The following ASIC2 variants were observed in gnomAD, a reference collection of about 807,000 sequenced individuals.
The protein encoded by ASIC2 is acid-sensing ion channel 2.
In ASIC2, 25 loss-of-function variants were observed where a neutral mutation model predicts 57.3. That is an observed-to-expected ratio of 0.44 (90% CI 0.32 to 0.61). ASIC2 has a LOEUF of 0.61. Among genes scored for constraint, ASIC2 ranks in the 20% least tolerant of loss-of-function variants. ASIC2 has a pLI of 0.06. For missense variants in ASIC2, 641 were observed against 738.1 expected, an observed-to-expected ratio of 0.87 and a Z score of 1.52; for synonymous variants, 319 against 307.5, an observed-to-expected ratio of 1.04 and a Z score of -0.39.
intron 1 of ASIC2, among the ~76,000 whole-genome samples, chr17:34,086,577 C>A (rs907515516): frequency 6.6e-6 from 1 of 152,124 alleles, no homozygotes; most frequent in African/African-American, 2.4e-5. Flanking sequence ...GAGCTGAGTT[C>A]AATTCCTGGG....
chr17:34,082,539 T>A (rs754829998), intron 1 of ASIC2, among the ~76,000 whole-genome samples: 3 of 152,210 alleles, frequency 2.0e-5, no homozygotes, highest in Non-Finnish European at 4.4e-5. Flanking sequence ...CCTTTTGCCT[T>A]GGACTGATAA....
chr17:33,017,413 C>G (rs536259399), intron 8 of ASIC2, among the ~76,000 whole-genome samples, 192 bp downstream of exon 8: 24 of 152,272 alleles, frequency 1.6e-4, no homozygotes, highest in African/African-American at 5.3e-4. Context: ...ACATCCACCG[C>G]CCCCCAAAAA....
intron 1 of ASIC2, among the ~76,000 whole-genome samples, chr17:34,045,894 AATTGCTTTGCTCAATGGAAT>A (rs1908318723): frequency 6.6e-6 from 1 of 152,160 alleles, no homozygotes. Context: ...CTGCCTTGCA[AATTGCTTTGCTCAATGGAAT>A]ATGGAGGTAG....
At chr17:33,319,017 C>A (rs997008006) in intron 1 of ASIC2, among the ~76,000 whole-genome samples, 1 of 152,200 alleles carries the variant, frequency 6.6e-6, no homozygotes, top group African/African-American at 2.4e-5. Flanking sequence ...GTAATCCCAG[C>A]ACTTTCGGAA....
At position 33,465,372 on chromosome 17, in the gene ASIC2, C is replaced by CTT. The variant is rs67424466; in HGVS notation, c.556-353307_556-353306dup. Among the ~76,000 whole-genome samples the CTT allele has an allele frequency of 8.5e-3, 748 of 88,260 alleles. 7 individuals are homozygous for CTT. The highest frequency in any genetic ancestry group is 0.032 in the African/African-American group (721 of 22,782). The allele number at this position is 88,260 out of a possible 152,430, so 57.9% of individuals were successfully genotyped here. A position where few individuals can be genotyped will look rare whatever the true frequency, so the allele number is the denominator to read the frequency against. ...GAGTGTGGGCCTTTTTTTTCTTTTTCTTTTTTTTTTTTTTTTTTGAGATGG... is the reference window on the plus strand; with the variant it reads ...GAGTGTGGGCCTTTTTTTTCTTTTTCTTTTTTTTTTTTTTTTTTTTGAGATGG... On this transcript the variant is annotated intron_variant, in intron 1 of 9. Coordinates refer to the ASIC2 transcript ENST00000359872.
intron 1 of ASIC2, among the ~76,000 whole-genome samples, chr17:33,365,149 C>G (rs1246938805): frequency 6.6e-6 from 1 of 152,174 alleles, no homozygotes; most frequent in Non-Finnish European, 1.5e-5. Flanking sequence ...TTCATACATA[C>G]AGAACCCTCT....
At chr17:33,627,842 A>G (rs1175521260) in intron 1 of ASIC2, among the ~76,000 whole-genome samples, 1 of 152,144 alleles carries the variant, frequency 6.6e-6, no homozygotes, top group African/African-American at 2.4e-5. Flanking sequence ...CTGCATACCC[A>G]GTATCCAGTG....
chr17:33,313,425 G>A (rs552787083), intron 1 of ASIC2, among the ~76,000 whole-genome samples: 2 of 152,168 alleles, frequency 1.3e-5, no homozygotes, highest in East Asian at 3.9e-4. Flanking sequence ...TAACCACAGT[G>A]TTTAAGAGTT....
chr17:33,710,270 T>A (rs1239172252), intron 1 of ASIC2, among the ~76,000 whole-genome samples: 1 of 152,216 alleles, frequency 6.6e-6, no homozygotes, highest in Non-Finnish European at 1.5e-5. Flanking sequence ...TATCCATTCA[T>A]CCATCTAGTC....
chr17:34,128,711 G>A (rs1001801759), intron 1 of ASIC2, among the ~76,000 whole-genome samples: 7 of 152,116 alleles, frequency 4.6e-5, no homozygotes, highest in Admixed American at 1.3e-4. Context: ...TCTTGATGCC[G>A]TGTTACTACA....
intron 1 of ASIC2, among the ~76,000 whole-genome samples, chr17:33,832,195 A>C (rs939940717): frequency 1.3e-5 from 2 of 152,236 alleles, no homozygotes; most frequent in Non-Finnish European, 2.9e-5. Flanking sequence ...ATGTAGAAAT[A>C]ACGTAGTTAA....
intron 1 of ASIC2, among the ~76,000 whole-genome samples, chr17:33,606,868 T>C (rs1182808191): frequency 6.6e-6 from 1 of 152,162 alleles, no homozygotes; most frequent in African/African-American, 2.4e-5. Flanking sequence ...TCCTTGCTTC[T>C]TTCACACTTC....
At chr17:33,513,597 G>T (rs1034350474) in intron 1 of ASIC2, among the ~76,000 whole-genome samples, 4 of 152,238 alleles carry the variant, frequency 2.6e-5, no homozygotes, top group Admixed American at 6.5e-5. Flanking sequence ...CTTCTGTCTG[G>T]TGCCAGCTAG....
At chr17:33,872,940 G>A (rs961785492) in intron 1 of ASIC2, among the ~76,000 whole-genome samples, 2 of 152,124 alleles carry the variant, frequency 1.3e-5, no homozygotes, top group African/African-American at 4.8e-5. Context: ...TGGGAACTAG[G>A]CAAGGGGAAA....
At chr17:33,272,713 T>A (rs1361400294) in intron 1 of ASIC2, among the ~76,000 whole-genome samples, 1 of 152,232 alleles carries the variant, frequency 6.6e-6, no homozygotes, top group Non-Finnish European at 1.5e-5. Context: ...ACCATCATCA[T>A]CATTGTCAGT....
chr17:33,772,968 C>T (rs548308325), intron 1 of ASIC2, among the ~76,000 whole-genome samples: 2 of 152,178 alleles, frequency 1.3e-5, no homozygotes, highest in African/African-American at 2.4e-5. Context: ...TAGCGTGGTA[C>T]CTGGCACACA....
chr17:33,878,125 G>C (rs1343667084), intron 1 of ASIC2, among the ~76,000 whole-genome samples: 3 of 152,154 alleles, frequency 2.0e-5, no homozygotes, highest in African/African-American at 4.8e-5. Context: ...CATCATCAAA[G>C]ACCAAAGGTA....
rs1287504950 is a variant in ASIC2, at chr17:33,464,298, T to C, written c.556-352231A>G. On this transcript the variant is annotated intron_variant, in intron 1 of 9. Coordinates refer to the ASIC2 transcript ENST00000359872. ...CTCACTAGTCCCAGGCTCCCTTGGT[T>C]GGAGGGAGTGTGCAGGGATTTGGAT... is the stretch of plus-strand genomic sequence containing the variant. 2.6e-5 allele frequency among the ~76,000 whole-genome samples: 4 copies of C among 152,194 alleles called. No individual in the cohort carries two copies. The East Asian group carries it at 7.7e-4, about 29-fold the overall frequency.
chr17:33,731,509 C>A (rs1319036553), intron 1 of ASIC2, among the ~76,000 whole-genome samples: 1 of 152,162 alleles, frequency 6.6e-6, no homozygotes, highest in East Asian at 1.9e-4. Context: ...CTCCCTGCTG[C>A]CTCCATCTAT....
Sources: allele counts gnomAD v4.1 joint callset (sites outside exome capture counted in the v4.1 genomes callset), GRCh38; gene constraint gnomAD v4.1.1; transcripts MANE v1.5; gene names NCBI Gene and HGNC (gene_info 2026-07-23, HGNC 2026-07-21).